The following GABRA3 variants were observed in gnomAD, a reference collection of about 807,000 sequenced individuals.
GABRA3 encodes the protein gamma-aminobutyric acid receptor subunit alpha-3.
GABRA3 carries 10 observed loss-of-function variants against 30.1 expected under a neutral mutation model. That is an observed-to-expected ratio of 0.33 (90% CI 0.20 to 0.56). The LOEUF is 0.56. GABRA3 is among the 20% of genes least tolerant of loss of function. GABRA3 has a pLI of 0.89. For synonymous variants in GABRA3, 151 were observed against 146.8 expected, an observed-to-expected ratio of 1.03 and a Z score of -0.21; for missense variants, 233 against 392.0, an observed-to-expected ratio of 0.59 and a Z score of 3.42.
At chrX:152,429,996 A>C (rs1930614213) in intron 1 of GABRA3, among the ~76,000 whole-genome samples, 1 of 112,355 alleles carries the variant, frequency 8.9e-6, no homozygotes, top group South Asian at 3.7e-4. Flanking sequence ...AGAATTCTTC[A>C]TAACTAAGTT....
chrX:152,344,513 AGTT>A (rs1408516969), intron 3 of GABRA3, among the ~76,000 whole-genome samples: 3 of 112,033 alleles, frequency 2.7e-5, no homozygotes, highest in Non-Finnish European at 5.6e-5. Context: ...GATAATCTAT[AGTT>A]GTTAAGACTA....
chrX:152,179,192 A>G (rs1937112549), intron 9 of GABRA3, among the ~76,000 whole-genome samples: 1 of 111,658 alleles, frequency 9.0e-6, no homozygotes, highest in Non-Finnish European at 1.9e-5. Context: ...ATGAAATTGC[A>G]TGTATTTATC....
chrX:152,199,332 C>G lies in GABRA3; in HGVS notation c.779-1547G>C, dbSNP rs1341722153. Reference sequence around the variant, plus strand: ...AGTGAGCCAAGGTCGTGCCACTGCACTCCAGCCTGGGCAACAGGCGAGACT... The same window carrying G: ...AGTGAGCCAAGGTCGTGCCACTGCAGTCCAGCCTGGGCAACAGGCGAGACT... On this transcript the variant is annotated intron_variant, in intron 7 of 9. Coordinates refer to ENST00000370314, the MANE Select transcript of GABRA3 (RefSeq NM_000808.4). Among the ~76,000 whole-genome samples, 46 of 103,513 alleles carry G rather than the reference C, an allele frequency of 4.4e-4. 1 individual carries two copies. Among genetic ancestry groups the G allele is most frequent in the Middle Eastern group, 5.1e-3 (1 of 198 alleles). 89.9% of individuals were successfully genotyped at this position (103,513 alleles called of 115,157 possible). A position where few individuals can be genotyped will look rare whatever the true frequency, so the allele number is the denominator to read the frequency against.
chrX:152,168,023 G>C lies in GABRA3; in HGVS notation c.*205C>G. ...AATGGCAGTGTTTGGCTTTGATGGG[G>C]TTATACTGGGCAATATTGGAGGGAC... On this transcript the variant is annotated 3_prime_UTR_variant, in exon 10 of 10. Coordinates refer to ENST00000370314, the MANE Select transcript of GABRA3 (RefSeq NM_000808.4). 4.6e-6 allele frequency: 2 copies of C among 436,976 alleles called. No homozygotes were observed. Among genetic ancestry groups the C allele is most frequent in the Non-Finnish European group, 8.0e-6 (2 of 251,278 alleles). The allele number at this position is 436,976 out of a possible 1,213,427, so 36.0% of individuals were successfully genotyped here. A position where few individuals can be genotyped will look rare whatever the true frequency, so the allele number is the denominator to read the frequency against.
At chrX:152,403,225 T>C (rs1929837932) in intron 1 of GABRA3, among the ~76,000 whole-genome samples, 1 of 111,354 alleles carries the variant, frequency 9.0e-6, no homozygotes, top group South Asian at 3.8e-4. Flanking sequence ...AGAAAAAGTG[T>C]TAGTTTGCAA....
At position 152,282,666 on chromosome X, in the gene GABRA3, C is replaced by T. The variant is rs111990631; in HGVS notation, c.330+2002G>A. Among the ~76,000 whole-genome samples, 5 of 111,649 alleles carry T rather than the reference C, an allele frequency of 4.5e-5. No individual in the cohort carries two copies. The East Asian group carries it at 8.5e-4, about 19-fold the overall frequency. ...GACAGAAAGTCCCAATTGTTAGAAA[C>T]GTCTCCAGAGCCTGGACACACCCAT... On this transcript the variant is annotated intron_variant, in intron 4 of 9. Transcript: ENST00000370314.
intron 9 of GABRA3, among the ~76,000 whole-genome samples, chrX:152,175,965 G>A (rs192060038): frequency 9.1e-6 from 1 of 109,870 alleles, no homozygotes; most frequent in Admixed American, 9.8e-5. Flanking sequence ...TCAGGAAGCT[G>A]AGGCAGAAGA....
At chrX:152,232,639 G>A (rs867093100) in intron 5 of GABRA3, among the ~76,000 whole-genome samples, 29 of 104,817 alleles carry the variant, frequency 2.8e-4, no homozygotes, top group East Asian at 6.3e-4. Context: ...GTGTGTGTGT[G>A]TATATATGTA....
chrX:152,382,797 C>G (rs1160259503), intron 1 of GABRA3, among the ~76,000 whole-genome samples: 1 of 111,501 alleles, frequency 9.0e-6, no homozygotes, highest in Non-Finnish European at 1.9e-5. Flanking sequence ...ATTGCATGTT[C>G]TTGGCACCTT....
chrX:152,270,097 G>A (rs1177707164), intron 4 of GABRA3, among the ~76,000 whole-genome samples: 4 of 111,807 alleles, frequency 3.6e-5, no homozygotes, highest in Non-Finnish European at 7.5e-5. Flanking sequence ...ATATCCATAC[G>A]ATATGGTTTG....
intron 9 of GABRA3, among the ~76,000 whole-genome samples, chrX:152,178,071 T>C (rs1372369731): frequency 1.8e-5 from 2 of 111,445 alleles, no homozygotes; most frequent in African/African-American, 6.5e-5. Context: ...ATTTTGGATT[T>C]ATCTCTCCTG....
intron 1 of GABRA3, among the ~76,000 whole-genome samples, chrX:152,371,813 A>G (rs1335608347): frequency 2.7e-5 from 3 of 111,539 alleles, no homozygotes; most frequent in Non-Finnish European, 3.8e-5. Context: ...TGTACCAGGC[A>G]CCATTCTAAG....
At chrX:152,301,002 A>C (rs1273652474) in intron 3 of GABRA3, among the ~76,000 whole-genome samples, 1 of 112,356 alleles carries the variant, frequency 8.9e-6, no homozygotes, top group Non-Finnish European at 1.9e-5. Flanking sequence ...GATAGACTAC[A>C]TCAATGTACA....
intron 1 of GABRA3, among the ~76,000 whole-genome samples, chrX:152,395,585 T>C (rs1196000304): frequency 8.9e-6 from 1 of 111,888 alleles, no homozygotes; most frequent in Non-Finnish European, 1.9e-5. Flanking sequence ...CCTCATGCCA[T>C]ATGCTCAGAT....
chrX:152,235,817 A>G (rs1938191727), intron 5 of GABRA3, among the ~76,000 whole-genome samples: 1 of 110,941 alleles, frequency 9.0e-6, no homozygotes, highest in Non-Finnish European at 1.9e-5. Context: ...CAATTCTTAT[A>G]AAAAATTCAA....
intron 1 of GABRA3, among the ~76,000 whole-genome samples, chrX:152,407,011 C>T (rs190537518): frequency 6.7e-4 from 75 of 111,588 alleles, no homozygotes; most frequent in African/African-American, 2.3e-3. Context: ...GGCCAATAAA[C>T]AAGTAAAAAG....
At chrX:152,402,990 T>A (rs1929833090) in intron 1 of GABRA3, among the ~76,000 whole-genome samples, 2 of 111,813 alleles carry the variant, frequency 1.8e-5, no homozygotes, top group Admixed American at 9.5e-5. Flanking sequence ...GAAGCTATAT[T>A]AACATAAGAA....
At chrX:152,311,388 C>G (rs1371681540) in intron 3 of GABRA3, among the ~76,000 whole-genome samples, 1 of 112,290 alleles carries the variant, frequency 8.9e-6, no homozygotes, top group Admixed American at 9.4e-5. Flanking sequence ...TCCTGGGATA[C>G]AAGGTTGGTT....
chrX:152,254,347 T>C (rs760345283), intron 5 of GABRA3, among the ~76,000 whole-genome samples: 19 of 110,947 alleles, frequency 1.7e-4, no homozygotes, highest in Non-Finnish European at 3.4e-4. Flanking sequence ...ATCTAGCTTC[T>C]TTATTTTACA....
Sources: allele counts gnomAD v4.1 joint callset (sites outside exome capture counted in the v4.1 genomes callset), GRCh38; gene constraint gnomAD v4.1.1; transcripts MANE v1.5; gene names NCBI Gene and HGNC (gene_info 2026-07-23, HGNC 2026-07-21).